ABCC4: variants seen among roughly 807,000 people sequenced by gnomAD.
ABCC4 encodes the protein ATP-binding cassette sub-family C member 4.
In ABCC4, 102 loss-of-function variants were observed where a neutral mutation model predicts 168.5. That is an observed-to-expected ratio of 0.61 (90% confidence interval 0.52 to 0.71). The LOEUF (loss-of-function observed/expected upper bound fraction) is 0.71. Among genes scored for constraint, ABCC4 ranks in the 30% least tolerant of loss-of-function variants. The pLI is 0.00. For synonymous variants in ABCC4, 617 were observed against 590.7 expected (o/e 1.04, Z -0.65); for missense variants, 1,402 against 1,605.8 (o/e 0.87, Z 2.17).
chr13:95,127,448 T>C (rs568819286), intron 19 of ABCC4, among the ~76,000 whole-genome samples: 5 of 152,032 alleles, frequency 3.3e-5, no homozygotes, highest in Non-Finnish European at 7.4e-5. Context: ...GCCCAGCTAA[T>C]TTTTGTATTT....
intron 30 of ABCC4, among the ~76,000 whole-genome samples, chr13:95,028,417 G>C (rs566542045): frequency 1.3e-5 from 2 of 152,070 alleles, no homozygotes; most frequent in African/African-American, 4.8e-5. Context: ...GACATGCAAT[G>C]AAAATGAAAC....
intron 4 of ABCC4, among the ~76,000 whole-genome samples, chr13:95,223,236 TATC>T (rs1195882830): frequency 6.6e-6 from 1 of 152,184 alleles, no homozygotes; most frequent in East Asian, 1.9e-4. Flanking sequence ...ACATACAATG[TATC>T]ATCCAAAATG....
intron 25 of ABCC4, among the ~76,000 whole-genome samples, chr13:95,065,279 T>G (rs954683090): frequency 1.3e-5 from 2 of 152,190 alleles, no homozygotes; most frequent in East Asian, 3.9e-4. Flanking sequence ...GCATTAACAT[T>G]TGAAAAACAA....
rs202182469 is a variant in ABCC4 at position 95,209,507 on chromosome 13, G to C, written c.712C>G (p.Leu238Val). 6 of 1,614,106 alleles carry C rather than the reference G, an allele frequency of 3.7e-6. No homozygotes were observed. In the African/African-American group the frequency reaches 8.0e-5, roughly 22 times the overall value. ...LLWMEIGISC[L>V]AGMAVLIILL... ...ATGATTAGAACTGCCATCCCAGCAA[G>C]GCACGATATTCCTATCTCCATCCAG... is the stretch of plus-strand genomic sequence containing the variant. The change falls in exon 6 of 31, where the codon CTT becomes GTT. Residue 238 changes from leucine to valine, a missense_variant. Leu to Val is a conservative substitution (Grantham distance 32). Coordinates refer to ENST00000645237, the MANE Select transcript of ABCC4 (RefSeq NM_005845.5).
At chr13:95,296,233 C>T (rs2041533164) in intron 1 of ABCC4, among the ~76,000 whole-genome samples, 1 of 151,502 alleles carries the variant, frequency 6.6e-6, no homozygotes, top group South Asian at 2.1e-4. Context: ...CCTGTAATCC[C>T]AACGCTTGGG....
At chr13:95,223,254 C>T (rs192627096) in intron 4 of ABCC4, among the ~76,000 whole-genome samples, 9 of 152,134 alleles carry the variant, frequency 5.9e-5, no homozygotes, top group Admixed American at 3.3e-4. Context: ...AAAATGTCCA[C>T]AATAAAAAAC....
chr13:95,297,229 C>T (rs2041557718), intron 1 of ABCC4, among the ~76,000 whole-genome samples: 1 of 148,788 alleles, frequency 6.7e-6, no homozygotes, highest in Non-Finnish European at 1.5e-5. Flanking sequence ...CGAGATCACA[C>T]CACGGCCAGC....
intron 20 of ABCC4, among the ~76,000 whole-genome samples, chr13:95,103,062 C>T (rs1485310531): frequency 2.0e-5 from 3 of 151,326 alleles, no homozygotes; most frequent in Non-Finnish European, 2.9e-5. Flanking sequence ...GTCAGGAGTT[C>T]GAGACCAGCC....
chr13:95,091,510 C>T (rs2034433336), intron 20 of ABCC4, among the ~76,000 whole-genome samples: 1 of 152,154 alleles, frequency 6.6e-6, no homozygotes, highest in African/African-American at 2.4e-5. Context: ...TCAAACAAAA[C>T]AATGATCAGC....
chr13:95,067,882 A>G (rs1212746526), intron 25 of ABCC4, among the ~76,000 whole-genome samples: 1 of 152,200 alleles, frequency 6.6e-6, no homozygotes, highest in East Asian at 1.9e-4. Context: ...AGTACTCTCT[A>G]AAATGATTAA....
rs376833830 is a variant in ABCC4 at position 95,192,909 on chromosome 13, ACT to A, written c.1263+1925_1263+1926del. ...ACTCCAGCCTAGGCAAAAGAGCAAG[ACT>A]CTGTCTCCAAAACAAATAAATAAAT... On this transcript the variant is annotated intron_variant, in intron 9 of 30. Coordinates refer to ENST00000645237, the MANE Select transcript of ABCC4 (RefSeq NM_005845.5). Among the ~76,000 whole-genome samples the A allele has an allele frequency of 6.8e-4, 103 of 152,194 alleles. No individual in the cohort carries two copies. In the East Asian group the frequency reaches 0.013, roughly 20 times the overall value.
chr13:95,206,746 A>G lies in ABCC4; in HGVS notation c.947T>C (p.Leu316Pro). The part of the protein sequence containing the change: ...EISKILRSSC[L>P]RGMNLASFFS... ...AAATGAAGCCAAATTCATCCCTCTG[A>G]GGCAGGAACTTCTCAGAATCTTGGA... is the stretch of plus-strand genomic sequence containing the variant. The change falls in exon 8 of 31, where the codon CTC becomes CCC. Residue 316 changes from leucine to proline, a missense_variant. This residue lies in a region of ABCC4 where 78 missense variants were observed against 133.0 expected (regional missense o/e 0.59). Coordinates refer to ENST00000645237, the MANE Select transcript of ABCC4 (RefSeq NM_005845.5). The G allele has an allele frequency of 6.2e-7, 1 of 1,614,122 alleles. No individual in the cohort carries two copies. Among genetic ancestry groups the G allele is most frequent in the Admixed American group, 1.7e-5 (1 of 60,016 alleles).
At chr13:95,289,005 G>A (rs998577013) in intron 1 of ABCC4, among the ~76,000 whole-genome samples, 1 of 152,154 alleles carries the variant, frequency 6.6e-6, no homozygotes, top group African/African-American at 2.4e-5. Flanking sequence ...TTAAGCCATT[G>A]ATAAACCTCC....
At chr13:95,232,675 T>TA (rs2039656595) in intron 4 of ABCC4, among the ~76,000 whole-genome samples, 16 of 113,502 alleles carry the variant, frequency 1.4e-4, no homozygotes, top group African/African-American at 5.8e-4. Flanking sequence ...AGACTTCATC[T>TA]CAAAAAAAAA....
At chr13:95,163,062 C>T (rs2037149643) in intron 18 of ABCC4, 60 bp downstream of exon 18, 1 of 1,199,466 alleles carries the variant, frequency 8.3e-7, no homozygotes, top group Non-Finnish European at 1.2e-6. Context: ...TAGTTACTCA[C>T]ACAGGCTCAT....
chr13:95,188,112 C>T (rs771376891), intron 10 of ABCC4, among the ~76,000 whole-genome samples: 1 of 152,148 alleles, frequency 6.6e-6, no homozygotes. Flanking sequence ...CTCCAGATGT[C>T]TTGTAGCATC....
intron 1 of ABCC4, among the ~76,000 whole-genome samples, chr13:95,290,765 C>T (rs1275201054): frequency 1.4e-4 from 20 of 147,014 alleles, no homozygotes; most frequent in Non-Finnish European, 2.4e-4. Flanking sequence ...AGTAGCATCG[C>T]GCCATTGCAC....
chr13:95,221,337 T>TC (rs1051354458), intron 4 of ABCC4, among the ~76,000 whole-genome samples: 3 of 152,140 alleles, frequency 2.0e-5, no homozygotes, highest in African/African-American at 7.2e-5. Context: ...CAGGTAATCC[T>TC]CCCACCTCAG....
chr13:95,213,327 GACCTGGCTTT>G (rs1189910836), intron 4 of ABCC4, among the ~76,000 whole-genome samples: 1 of 152,200 alleles, frequency 6.6e-6, no homozygotes, highest in Non-Finnish European at 1.5e-5. Context: ...GCCCGGGACT[GACCTGGCTTT>G]ATGCCTGAGG....
Sources: allele counts gnomAD v4.1 joint callset (sites outside exome capture counted in the v4.1 genomes callset), GRCh38; gene constraint gnomAD v4.1.1; regional missense constraint gnomAD v4.1.1; transcripts MANE v1.5; gene names NCBI Gene and HGNC (gene_info 2026-07-23, HGNC 2026-07-21).